The following ADAM22 variants were observed in gnomAD, a reference collection of about 807,000 sequenced individuals.
The protein encoded by ADAM22 is disintegrin and metalloproteinase domain-containing protein 22.
A neutral mutation model predicts 144.6 loss-of-function variants in ADAM22; 65 were observed. The observed-to-expected ratio is 0.45, with a 90% CI of 0.37 to 0.55. The LOEUF (loss-of-function observed/expected upper bound fraction) is 0.55, where lower values mean the gene tolerates loss of function less well. ADAM22 is among the 20% of genes least tolerant of loss of function. The pLI is 0.00. For missense variants in ADAM22, 974 were observed against 1,184.9 expected, an observed-to-expected ratio of 0.82 and a Z score of 2.61; for synonymous variants, 391 against 412.6, an observed-to-expected ratio of 0.95 and a Z score of 0.63.
intron 3 of ADAM22, among the ~76,000 whole-genome samples, chr7:88,067,912 G>A (rs1057501529): frequency 6.6e-6 from 1 of 151,936 alleles, no homozygotes; most frequent in African/African-American, 2.4e-5. Flanking sequence ...TTTACAAACT[G>A]GAAAAGTAAT....
intron 3 of ADAM22, among the ~76,000 whole-genome samples, chr7:88,015,740 T>A (rs1464065023): frequency 6.6e-6 from 1 of 152,232 alleles, no homozygotes; most frequent in Non-Finnish European, 1.5e-5. Flanking sequence ...TGATGAAGTT[T>A]AATATTCTCA....
At chr7:87,955,414 G>T (rs1458821457) in intron 2 of ADAM22, among the ~76,000 whole-genome samples, 1 of 152,230 alleles carries the variant, frequency 6.6e-6, no homozygotes, top group East Asian at 1.9e-4. Flanking sequence ...GACCCTGTTT[G>T]CCTGGATATC....
intron 7 of ADAM22, among the ~76,000 whole-genome samples, chr7:88,123,063 A>T (rs565336798): frequency 1.3e-5 from 2 of 152,288 alleles, no homozygotes; most frequent in East Asian, 3.9e-4. Context: ...AATGTGATGA[A>T]TTGTATAAAT....
At chr7:88,191,025 C>G (rs1274787111) in intron 30 of ADAM22, among the ~76,000 whole-genome samples, 1 of 152,190 alleles carries the variant, frequency 6.6e-6, no homozygotes, top group Non-Finnish European at 1.5e-5. Flanking sequence ...ATACCAGCCT[C>G]CAGGACCCTT....
intron 23 of ADAM22, 119 bp from the exon 24 acceptor site, chr7:88,165,713 A>C: frequency 1.7e-6 from 1 of 574,930 alleles, no homozygotes; most frequent in South Asian, 2.6e-5. Flanking sequence ...AGAAGAACAT[A>C]CTAATAATTT....
At chr7:88,133,556 C>A (rs1383259270) in intron 12 of ADAM22, among the ~76,000 whole-genome samples, 1 of 151,924 alleles carries the variant, frequency 6.6e-6, no homozygotes, top group East Asian at 1.9e-4. Context: ...TTGAGAGAAT[C>A]TTTACCTTTA....
intron 2 of ADAM22, among the ~76,000 whole-genome samples, chr7:87,948,384 T>C (rs910540895): frequency 1.4e-4 from 22 of 152,232 alleles, no homozygotes; most frequent in Non-Finnish European, 2.8e-4. Flanking sequence ...TTTTCTTTTT[T>C]TCCATTCATT....
intron 25 of ADAM22, among the ~76,000 whole-genome samples, chr7:88,169,560 G>A (rs1265496364): frequency 3.3e-5 from 5 of 151,988 alleles, no homozygotes; most frequent in Non-Finnish European, 7.4e-5. Context: ...TACCTTTGGC[G>A]CAGTTGGCTT....
chr7:88,148,490 T>A (rs1323740990), intron 17 of ADAM22, among the ~76,000 whole-genome samples: 4 of 152,112 alleles, frequency 2.6e-5, no homozygotes. Context: ...GACCAAGATC[T>A]AAATCCATGT....
chr7:88,157,937 C>A (rs554607685), intron 22 of ADAM22, among the ~76,000 whole-genome samples: 172 of 152,068 alleles, frequency 1.1e-3, no homozygotes, highest in Non-Finnish European at 2.0e-3. Context: ...CTAAATACCC[C>A]ATTTAAAAGG....
chr7:88,019,856 TATG>T (rs1797358507), intron 3 of ADAM22, among the ~76,000 whole-genome samples: 1 of 130,694 alleles, frequency 7.7e-6, no homozygotes, highest in Non-Finnish European at 1.6e-5. Flanking sequence ...TCTCAAAAAA[TATG>T]TGTGTGTGTG....
chr7:88,156,118 C>A, intron 22 of ADAM22, 112 bp downstream of exon 22: 1 of 1,201,316 alleles, frequency 8.3e-7, no homozygotes, highest in Non-Finnish European at 1.2e-6. Context: ...GAAATATAAT[C>A]TAGTCTATAG....
At chr7:88,086,252 A>C (rs1023538) in intron 4 of ADAM22, among the ~76,000 whole-genome samples, 56,917 of 151,770 alleles carry the variant, frequency 0.38, 11,794 homozygotes, top group East Asian at 0.62. Flanking sequence ...TTTGTTGAAG[A>C]AACCAGATTG....
At chr7:88,150,038 A>T (rs763174645) in intron 18 of ADAM22, among the ~76,000 whole-genome samples, 1 of 152,164 alleles carries the variant, frequency 6.6e-6, no homozygotes, top group African/African-American at 2.4e-5. Context: ...GAAGATGTGA[A>T]TGTGAAGTTT....
chr7:87,941,922 TCTC>T (rs561797945), intron 2 of ADAM22, among the ~76,000 whole-genome samples: 72 of 152,300 alleles, frequency 4.7e-4, no homozygotes, highest in African/African-American at 1.6e-3. Context: ...TGCCAAGAGT[TCTC>T]CTGTTGTTTT....
intron 2 of ADAM22, among the ~76,000 whole-genome samples, chr7:87,977,085 G>A (rs1052248374): frequency 1.3e-5 from 2 of 152,152 alleles, no homozygotes; most frequent in Non-Finnish European, 1.5e-5. Flanking sequence ...AATGGTTCAT[G>A]AGGCTGAGAG....
At chr7:88,011,743 C>T (rs1033240813) in intron 3 of ADAM22, among the ~76,000 whole-genome samples, 1 of 151,238 alleles carries the variant, frequency 6.6e-6, no homozygotes, top group Non-Finnish European at 1.5e-5. Flanking sequence ...CGCCCCCCAC[C>T]CCCCAACCTT....
chr7:87,949,693 C>A (rs1844559692), intron 2 of ADAM22, among the ~76,000 whole-genome samples: 2 of 151,442 alleles, frequency 1.3e-5, no homozygotes, highest in South Asian at 4.2e-4. Flanking sequence ...AGGACAACAA[C>A]CTTTTTTTTT....
intron 22 of ADAM22, among the ~76,000 whole-genome samples, chr7:88,159,005 T>C (rs1472311811): frequency 6.6e-6 from 1 of 151,834 alleles, no homozygotes; most frequent in Non-Finnish European, 1.5e-5. Context: ...GATAGGTCAC[T>C]AGATAGACTA....
Sources: gnomAD v4.1 joint callset for allele counts (sites outside exome capture counted in the v4.1 genomes callset) on GRCh38, gnomAD v4.1.1 for gene constraint, MANE v1.5 for transcripts, NCBI Gene and HGNC (gene_info 2026-07-23, HGNC 2026-07-21) for gene names.